PVT1: variants seen among roughly 807,000 people sequenced by gnomAD.
PVT1 encodes Pvt1 oncogene, also known as CXCR4/PVT1 fusion.
chr8:127,949,106 T>C (rs914098517), intron 3 of PVT1, among the ~76,000 whole-genome samples: 1 of 152,192 alleles, frequency 6.6e-6, no homozygotes, highest in Non-Finnish European at 1.5e-5. Flanking sequence ...GTTCCCATTT[T>C]ACAGGTGAGG....
intron 2 of PVT1, among the ~76,000 whole-genome samples, chr8:127,858,579 A>T (rs1451176373): frequency 1.3e-5 from 2 of 151,968 alleles, no homozygotes; most frequent in Non-Finnish European, 2.9e-5. Flanking sequence ...AAAAGGCCAG[A>T]TGTCAAAGTG....
intron 3 of PVT1, among the ~76,000 whole-genome samples, chr8:127,957,289 C>A (rs1369050000): frequency 1.2e-4 from 19 of 152,172 alleles, no homozygotes; most frequent in Admixed American, 1.2e-3. Context: ...TGTCTTCTGG[C>A]TGGACACGGT....
At chr8:127,910,734 C>A (rs943134009) in intron 3 of PVT1, among the ~76,000 whole-genome samples, 3 of 152,036 alleles carry the variant, frequency 2.0e-5, no homozygotes, top group Non-Finnish European at 4.4e-5. Flanking sequence ...CTATAATTAG[C>A]CCCATTTTAC....
intron 4 of PVT1, among the ~76,000 whole-genome samples, chr8:127,991,136 CTTTCT>C (rs1563659327): frequency 2.9e-5 from 4 of 136,394 alleles, no homozygotes; most frequent in African/African-American, 2.8e-5. Flanking sequence ...TTTTTCTTTT[CTTTCT>C]TTTTTTTTTT....
chr8:127,862,516 C>T (rs1815239579), intron 2 of PVT1, among the ~76,000 whole-genome samples: 1 of 152,166 alleles, frequency 6.6e-6, no homozygotes, highest in Non-Finnish European at 1.5e-5. Flanking sequence ...TAGTTCATAG[C>T]TTAGACCTCC....
At chr8:127,991,773 C>T (rs1817044493) in intron 4 of PVT1, among the ~76,000 whole-genome samples, 1 of 152,164 alleles carries the variant, frequency 6.6e-6, no homozygotes, top group South Asian at 2.1e-4. Flanking sequence ...ATGACAGAAC[C>T]TGAAGAAAGG....
intron 3 of PVT1, among the ~76,000 whole-genome samples, chr8:127,916,734 T>C (rs1815990407): frequency 1.3e-5 from 2 of 152,200 alleles, no homozygotes; most frequent in African/African-American, 4.8e-5. Flanking sequence ...TGGTGGGAAG[T>C]TGTGGGCCAT....
chr8:127,909,291 T>C (rs1815861893), intron 3 of PVT1, among the ~76,000 whole-genome samples: 1 of 152,220 alleles, frequency 6.6e-6, no homozygotes, highest in Non-Finnish European at 1.5e-5. Context: ...GTCTGCTGTG[T>C]TCGCAGTGTG....
At chr8:127,833,095 T>A (rs1814871241) in intron 2 of PVT1, among the ~76,000 whole-genome samples, 1 of 152,198 alleles carries the variant, frequency 6.6e-6, no homozygotes, top group South Asian at 2.1e-4. Flanking sequence ...CTTGTTGTCT[T>A]GGCCACTTGG....
chr8:127,842,822 C>A (rs1814987876), intron 2 of PVT1, among the ~76,000 whole-genome samples: 1 of 152,168 alleles, frequency 6.6e-6, no homozygotes, highest in Non-Finnish European at 1.5e-5. Flanking sequence ...GTCACAGAGG[C>A]CCTCAGCTCC....
intron 4 of PVT1, among the ~76,000 whole-genome samples, chr8:128,041,601 CAT>C (rs1308326463): frequency 1.0e-5 from 1 of 98,236 alleles, no homozygotes; most frequent in Non-Finnish European, 2.1e-5. Flanking sequence ...CGTGTGTGTA[CAT>C]GTGTTTGGTG....
intron 4 of PVT1, among the ~76,000 whole-genome samples, chr8:128,057,968 T>G (rs1034223916): frequency 5.3e-5 from 8 of 152,210 alleles, no homozygotes; most frequent in African/African-American, 1.9e-4. Context: ...AAAAGCTGAT[T>G]GTGTGAGGGT....
At chr8:127,848,249 C>G (rs1241294574) in intron 2 of PVT1, among the ~76,000 whole-genome samples, 1 of 152,130 alleles carries the variant, frequency 6.6e-6, no homozygotes, top group Admixed American at 6.6e-5. Context: ...GGTTGCATAT[C>G]CCTATAATAC....
intron 5 of PVT1, among the ~76,000 whole-genome samples, chr8:128,080,366 C>T (rs892034989): frequency 1.3e-5 from 2 of 152,188 alleles, no homozygotes; most frequent in African/African-American, 2.4e-5. Flanking sequence ...CAATGAGAGT[C>T]CCTGTTGCTC....
chr8:127,860,860 C>T (rs1815219435), intron 2 of PVT1, among the ~76,000 whole-genome samples: 1 of 152,020 alleles, frequency 6.6e-6, no homozygotes, highest in African/African-American at 2.4e-5. Context: ...CCATTTCTCT[C>T]CCTCCTACTC....
chr8:127,876,985 C>T (rs867348056), intron 2 of PVT1, among the ~76,000 whole-genome samples: 1 of 152,160 alleles, frequency 6.6e-6, no homozygotes, highest in African/African-American at 2.4e-5. Context: ...AGCGTGACCT[C>T]CCCGGAAGCC....
rs1816607766 is a variant in PVT1 at position 127,959,217 on chromosome 8, CT to C, written n.783-29943del. Among the ~76,000 whole-genome samples the C allele has an allele frequency of 8.5e-5, 13 of 152,320 alleles. No individual in the cohort carries two copies. The South Asian group carries it at 2.7e-3, about 32-fold the overall frequency. The stretch of plus-strand genomic sequence containing the variant: ...ATTGCTTCCTGTCTTATGTTTTTAT[CT>C]TATCCACGCATTTAGTGGGCATTTA... On this transcript the variant is annotated intron_variant and non_coding_transcript_variant, in intron 3 of 10. Transcript: ENST00000651587.
chr8:127,924,673 G>A (rs1190600390), intron 3 of PVT1, among the ~76,000 whole-genome samples: 1 of 151,958 alleles, frequency 6.6e-6, no homozygotes. Context: ...CACCACGCCC[G>A]ACTAATTTTT....
At chr8:127,962,847 C>T (rs1007774080) in intron 3 of PVT1, among the ~76,000 whole-genome samples, 4 of 151,852 alleles carry the variant, frequency 2.6e-5, no homozygotes, top group Admixed American at 6.6e-5. Flanking sequence ...TCGCCCACCT[C>T]GGCCTCCCAA....
Sources: gnomAD v4.1 joint callset for allele counts (sites outside exome capture counted in the v4.1 genomes callset) on GRCh38, gnomAD v4.1.1 for gene constraint, MANE v1.5 for transcripts, NCBI Gene and HGNC (gene_info 2026-07-23, HGNC 2026-07-21) for gene names.